Variants in CEP57 observed in about 807,000 individuals in gnomAD.
CEP57 encodes the protein centrosomal protein 57, also known as centrosomal protein of 57 kDa.
In CEP57, 40 loss-of-function variants were observed where a neutral mutation model predicts 68.0. The ratio of observed to expected loss-of-function variants is 0.59; its 90% CI spans 0.46 to 0.77. The LOEUF (loss-of-function observed/expected upper bound fraction) is 0.77, where lower values mean the gene tolerates loss of function less well. Ranked by LOEUF, CEP57 falls within the 30% of genes least tolerant of loss-of-function variation. CEP57 has a pLI of 0.00. For missense variants in CEP57, 606 were observed against 580.7 expected (o/e 1.04, Z -0.45); for synonymous variants, 219 against 198.7 (o/e 1.10, Z -0.86).
intron 2 of CEP57, among the ~76,000 whole-genome samples, chr11:95,808,123 T>C (rs533967): frequency 0.59 from 90,289 of 151,900 alleles, 29,019 homozygotes; most frequent in African/African-American, 0.85. Flanking sequence ...AACTAAGCTT[T>C]GTAAGTGAAG....
At chr11:95,794,305 A>G in intron 1 of CEP57, 2 of 455,916 alleles carry the variant, frequency 4.4e-6, no homozygotes, top group South Asian at 1.5e-5. Flanking sequence ...TTCAAGAAAG[A>G]AGAGAGAGAA....
intron 8 of CEP57, chr11:95,825,846 C>G (rs1862719501): frequency 6.6e-6 from 1 of 152,088 alleles, no homozygotes; most frequent in African/African-American, 2.4e-5. Context: ...GATCCACCTG[C>G]CTCAGCCTCC....
intron 8 of CEP57, among the ~76,000 whole-genome samples, chr11:95,824,729 T>C (rs940863992): frequency 6.6e-6 from 1 of 152,102 alleles, no homozygotes; most frequent in Non-Finnish European, 1.5e-5. Flanking sequence ...AGCACCAGGA[T>C]TTAAGGAAAG....
chr11:95,828,225 A>G (rs1325836356), intron 9 of CEP57, among the ~76,000 whole-genome samples, 198 bp downstream of exon 9: 1 of 152,190 alleles, frequency 6.6e-6, no homozygotes, highest in Non-Finnish European at 1.5e-5. Context: ...ATACTGTTAA[A>G]TGTTTTGAAG....
intron 9 of CEP57, among the ~76,000 whole-genome samples, chr11:95,828,644 C>G (rs955552797): frequency 6.6e-6 from 1 of 152,140 alleles, no homozygotes; most frequent in Non-Finnish European, 1.5e-5. Flanking sequence ...CATCTGTAGA[C>G]TTTACATATA....
At chr11:95,790,838 C>T (rs112506254) in intron 1 of CEP57, 95 bp downstream of exon 1, 3 of 1,444,642 alleles carry the variant, frequency 2.1e-6, no homozygotes, top group Non-Finnish European at 2.9e-6. Context: ...CAGCTTCTGA[C>T]GCAATTCTGG....
intron 2 of CEP57, among the ~76,000 whole-genome samples, chr11:95,811,741 C>G (rs558189176): frequency 8.2e-4 from 124 of 152,012 alleles, no homozygotes; most frequent in African/African-American, 2.8e-3. Flanking sequence ...AGAAAATTAG[C>G]CAATAACATA....
At chr11:95,829,397 A>G (rs1862904926) in intron 10 of CEP57, 66 bp downstream of exon 10, 1 of 1,458,722 alleles carries the variant, frequency 6.9e-7, no homozygotes, top group African/African-American at 1.4e-5. Flanking sequence ...TAATTCAAAT[A>G]TTAAATGATG....
chr11:95,810,066 A>G (rs2135305537), intron 2 of CEP57, among the ~76,000 whole-genome samples: 1 of 152,338 alleles, frequency 6.6e-6, no homozygotes, highest in Non-Finnish European at 1.5e-5. Context: ...CAGTAAACGT[A>G]ATTCATCATA....
At chr11:95,823,839 T>C (rs1446889575) in intron 8 of CEP57, among the ~76,000 whole-genome samples, 1 of 152,142 alleles carries the variant, frequency 6.6e-6, no homozygotes, top group East Asian at 1.9e-4. Context: ...AAAAGTGTTC[T>C]CTAGCAGTTC....
chr11:95,831,456 G>T lies in CEP57; in HGVS notation c.*200G>T. 2.0e-6 allele frequency: 1 copy of T among 493,802 alleles called. No homozygotes were observed. The highest frequency in any genetic ancestry group is 3.6e-6 in the Non-Finnish European group (1 of 274,966). The allele number at this position is 493,802 out of a possible 1,614,324, so 30.6% of individuals were successfully genotyped here. ...AAGCATTTAAATGGAAACCAGGGGA[G>T]TTTTAAAGCCCGAGAAACCACACAT... On this transcript the variant is annotated 3_prime_UTR_variant, in exon 11 of 11. Coordinates refer to ENST00000325542, the MANE Select transcript of CEP57 (RefSeq NM_014679.5).
chr11:95,811,302 C>T (rs1433689107), intron 2 of CEP57, among the ~76,000 whole-genome samples: 1 of 151,896 alleles, frequency 6.6e-6, no homozygotes, highest in Non-Finnish European at 1.5e-5. Context: ...AAGCTGGAAA[C>T]CATCATTCTG....
chr11:95,822,459 G>C (rs780715748), intron 7 of CEP57, 40 bp from the exon 8 acceptor site: 2 of 1,486,534 alleles, frequency 1.3e-6, no homozygotes, highest in East Asian at 4.5e-5. Context: ...TTATTATCAT[G>C]TGAATAAAAT....
At chr11:95,816,982 G>A (rs1862322415) in intron 4 of CEP57, among the ~76,000 whole-genome samples, 1 of 151,442 alleles carries the variant, frequency 6.6e-6, no homozygotes, top group Non-Finnish European at 1.5e-5. Context: ...CCGCACTCCA[G>A]CCTGGGTGAC....
intron 4 of CEP57, among the ~76,000 whole-genome samples, chr11:95,814,833 A>G (rs1483902573): frequency 6.6e-6 from 1 of 152,194 alleles, no homozygotes; most frequent in Non-Finnish European, 1.5e-5. Flanking sequence ...GTTGTCCTTC[A>G]GTATCCATGA....
intron 1 of CEP57, among the ~76,000 whole-genome samples, chr11:95,793,292 A>C (rs1169815153): frequency 2.0e-5 from 3 of 152,248 alleles, no homozygotes; most frequent in Non-Finnish European, 4.4e-5. Flanking sequence ...AATTAATTCC[A>C]TATGGAGGTA....
chr11:95,809,115 T>G (rs1159608386), intron 2 of CEP57, among the ~76,000 whole-genome samples: 2 of 152,018 alleles, frequency 1.3e-5, no homozygotes, highest in African/African-American at 4.8e-5. Context: ...GGGTGAATAA[T>G]GAAATGAAGG....
At position 95,813,454 on chromosome 11, in the gene CEP57, T is replaced by A; in HGVS notation, c.383-14T>A. On this transcript the variant is annotated splice_polypyrimidine_tract_variant and intron_variant, in intron 3 of 10. Transcript: ENST00000325542. The stretch of plus-strand genomic sequence containing the variant: ...GGTGAGTTGATTTCTGCTTTTCTTA[T>A]GTATTCTTTTTAGAACTGACATCTC... The A allele has an allele frequency of 6.2e-7, 1 of 1,609,788 alleles. No individual in the cohort carries two copies. The highest frequency in any genetic ancestry group is 8.5e-7 in the Non-Finnish European group (1 of 1,179,084).
At chr11:95,794,314 A>T in intron 1 of CEP57, 1 of 455,972 alleles carries the variant, frequency 2.2e-6, no homozygotes, top group South Asian at 1.5e-5. Context: ...GAAGAGAGAG[A>T]AAATCGTTCA....
Sources: gnomAD v4.1 joint callset for allele counts (sites outside exome capture counted in the v4.1 genomes callset) on GRCh38, gnomAD v4.1.1 for gene constraint, MANE v1.5 for transcripts, NCBI Gene and HGNC (gene_info 2026-07-23, HGNC 2026-07-21) for gene names.